The following ARK2C variants were observed in gnomAD, a reference collection of about 807,000 sequenced individuals.
ARK2C encodes the protein arkadia (RNF111) C-terminal like ring finger ubiquitin ligase 2C, also known as E3 ubiquitin-protein ligase ARK2C.
chr18:46,340,972 G>C, the ARK2C span, among the ~76,000 whole-genome samples: 2 of 152,292 alleles, frequency 1.3e-5, no homozygotes, highest in African/African-American at 4.8e-5. Flanking sequence ...TTTGGCCAAG[G>C]CCAGTGGCTC....
the ARK2C span, among the ~76,000 whole-genome samples, chr18:46,399,165 G>A: frequency 6.6e-6 from 1 of 152,316 alleles, no homozygotes; most frequent in Middle Eastern, 3.4e-3. Context: ...AGGTAGCTGT[G>A]CTTATCTTTT....
At chr18:46,365,268 C>T in the ARK2C span, among the ~76,000 whole-genome samples, 15 of 152,272 alleles carry the variant, frequency 9.9e-5, no homozygotes, top group East Asian at 1.4e-3. Context: ...CAGAAACCCA[C>T]GCCCCCTGTC....
the ARK2C span, among the ~76,000 whole-genome samples, chr18:46,448,585 G>T: frequency 6.6e-6 from 1 of 152,268 alleles, no homozygotes; most frequent in Admixed American, 6.5e-5. Context: ...CTGTGAAATG[G>T]AAATGAAGAT....
chr18:46,424,273 G>C, the ARK2C span, among the ~76,000 whole-genome samples: 1 of 152,224 alleles, frequency 6.6e-6, no homozygotes, highest in African/African-American at 2.4e-5. Flanking sequence ...GAGAATGGCT[G>C]TCGAGGGCCC....
the ARK2C span, among the ~76,000 whole-genome samples, chr18:46,443,018 C>T: frequency 7.2e-5 from 11 of 152,246 alleles, no homozygotes; most frequent in African/African-American, 2.4e-4. Flanking sequence ...TACTTGTAAC[C>T]TAGTATCTAC....
At chr18:46,452,787 G>C in the ARK2C span, among the ~76,000 whole-genome samples, 9 of 151,998 alleles carry the variant, frequency 5.9e-5, no homozygotes, top group African/African-American at 2.2e-4. Context: ...GAGACCCTAG[G>C]GTGCATTGGT....
chr18:46,453,469 G>A, the ARK2C span, among the ~76,000 whole-genome samples: 1 of 151,888 alleles, frequency 6.6e-6, no homozygotes, highest in African/African-American at 2.4e-5. Flanking sequence ...AGGGGAAATG[G>A]ACTGAATCAA....
At chr18:46,456,515 C>A in the ARK2C span, 859 of 1,609,544 alleles carry the variant, frequency 5.3e-4, 2 homozygotes, top group Non-Finnish European at 3.7e-4. Context: ...CTCCTCTCTT[C>A]CAGACGCCTA....
the ARK2C span, among the ~76,000 whole-genome samples, chr18:46,414,813 T>C: frequency 6.6e-5 from 10 of 152,192 alleles, no homozygotes; most frequent in African/African-American, 2.2e-4. Flanking sequence ...AAAGGCCATA[T>C]GAGTGGCCGT....
chr18:46,448,559 C>A, the ARK2C span, among the ~76,000 whole-genome samples: 1 of 152,170 alleles, frequency 6.6e-6, no homozygotes, highest in Admixed American at 6.5e-5. Flanking sequence ...CCTCCCTAGG[C>A]TTTGGTTTCA....
the ARK2C span, among the ~76,000 whole-genome samples, chr18:46,401,262 C>G: frequency 1.1e-4 from 17 of 152,148 alleles, no homozygotes; most frequent in African/African-American, 4.1e-4. Flanking sequence ...ACTGGCCACA[C>G]CATCCCAGGC....
At chr18:46,378,871 G>A in the ARK2C span, among the ~76,000 whole-genome samples, 1 of 152,162 alleles carries the variant, frequency 6.6e-6, no homozygotes, top group Non-Finnish European at 1.5e-5. Context: ...CTCCTATGAA[G>A]CACCCCGCTA....
the ARK2C span, among the ~76,000 whole-genome samples, chr18:46,416,502 G>A: frequency 6.6e-6 from 1 of 152,176 alleles, no homozygotes; most frequent in Admixed American, 6.5e-5. Context: ...AGAACATTGA[G>A]AGCACAACTC....
the ARK2C span, among the ~76,000 whole-genome samples, chr18:46,347,925 G>A: frequency 2.6e-5 from 4 of 152,128 alleles, no homozygotes; most frequent in Non-Finnish European, 4.4e-5. Context: ...ACCAGGCCCC[G>A]TGCAGGCATG....
At chr18:46,346,184 G>A in the ARK2C span, among the ~76,000 whole-genome samples, 7,851 of 152,204 alleles carry the variant, frequency 0.052, 634 homozygotes, top group African/African-American at 0.18. Context: ...GCCAGGCCTA[G>A]GAACCAGAGC....
At chr18:46,348,898 TTCTGTG>T in the ARK2C span, among the ~76,000 whole-genome samples, 493 of 123,254 alleles carry the variant, frequency 4.0e-3, 4 homozygotes, top group Admixed American at 9.3e-3. Flanking sequence ...CTCTCTCTCT[TTCTGTG>T]TGTGTGTGTG....
chr18:46,406,290 G>A, the ARK2C span, among the ~76,000 whole-genome samples: 10 of 152,136 alleles, frequency 6.6e-5, no homozygotes, highest in Admixed American at 1.3e-4. Context: ...TGGATGCCCC[G>A]GGCAGGCGTG....
chr18:46,439,623 G>T, the ARK2C span, among the ~76,000 whole-genome samples: 1 of 152,094 alleles, frequency 6.6e-6, no homozygotes, highest in Non-Finnish European at 1.5e-5. Context: ...CATGCTTTTG[G>T]TATTTCTGAA....
At chr18:46,439,310 C>T in the ARK2C span, among the ~76,000 whole-genome samples, 1 of 152,180 alleles carries the variant, frequency 6.6e-6, no homozygotes, top group African/African-American at 2.4e-5. Flanking sequence ...ATGTGGGATC[C>T]AGGCTCAGTA....
Sources: gnomAD v4.1 joint callset for allele counts (sites outside exome capture counted in the v4.1 genomes callset) on GRCh38, gnomAD v4.1.1 for gene constraint, MANE v1.5 for transcripts, NCBI Gene and HGNC (gene_info 2026-07-23, HGNC 2026-07-21) for gene names.